KIAA1549: variants seen among roughly 807,000 people sequenced by gnomAD.
The protein encoded by KIAA1549 is UPF0606 protein KIAA1549.
In KIAA1549, 70 loss-of-function variants were observed where a neutral mutation model predicts 156.4. The ratio of observed to expected loss-of-function variants is 0.45; its 90% CI spans 0.37 to 0.55. The LOEUF (loss-of-function observed/expected upper bound fraction) is 0.55. Ranked by LOEUF, KIAA1549 falls within the 20% of genes least tolerant of loss-of-function variation. KIAA1549 has a pLI of 0.00. For synonymous variants in KIAA1549, 1,103 were observed against 1,066.4 expected, an observed-to-expected ratio of 1.03 and a Z score of -0.67; for missense variants, 2,428 against 2,540.9, an observed-to-expected ratio of 0.96 and a Z score of 0.96.
At chr7:138,840,368 T>C in intron 18 of KIAA1549, 90 bp from the exon 19 acceptor site, 1 of 1,146,870 alleles carries the variant, frequency 8.7e-7, no homozygotes, top group South Asian at 1.5e-5. Flanking sequence ...CTGTCAACTC[T>C]GACCACTACA....
chr7:138,925,358 G>A (rs1812682538), intron 1 of KIAA1549, among the ~76,000 whole-genome samples: 1 of 152,020 alleles, frequency 6.6e-6, no homozygotes, highest in African/African-American at 2.4e-5. Context: ...TTAAGACCTA[G>A]GCCAATCCCT....
chr7:138,959,426 G>A (rs1813772092), intron 1 of KIAA1549, among the ~76,000 whole-genome samples: 1 of 152,182 alleles, frequency 6.6e-6, no homozygotes, highest in Non-Finnish European at 1.5e-5. Flanking sequence ...ATTAGGAAAA[G>A]GGAGTGGGGG....
chr7:138,919,302 A>G lies in KIAA1549; in HGVS notation c.324T>C (p.His108=). 1 of 1,614,068 alleles carries G rather than the reference A, an allele frequency of 6.2e-7. No individual in the cohort carries two copies. The highest frequency in any genetic ancestry group is 8.5e-7 in the Non-Finnish European group (1 of 1,179,910). ...APGSQHSSPL[H]VTAPPSATTF... ...TAGTGGCAGACGGCGGGGCTGTGAC[A>G]TGGAGAGGACTGCTGTGCTGGGAGC... The change falls in exon 2 of 20, where the codon CAT becomes CAC. Residue 108 remains histidine (H), a synonymous_variant. Transcript: ENST00000422774.
chr7:138,942,908 C>CAA (rs34506092), intron 1 of KIAA1549, among the ~76,000 whole-genome samples: 3 of 138,798 alleles, frequency 2.2e-5, no homozygotes, highest in Admixed American at 7.3e-5. Flanking sequence ...GACTCCGTCT[C>CAA]AAAAAAAAAA....
chr7:138,954,876 G>A (rs1813616089), intron 1 of KIAA1549, among the ~76,000 whole-genome samples: 1 of 152,180 alleles, frequency 6.6e-6, no homozygotes, highest in South Asian at 2.1e-4. Flanking sequence ...GCAGATGTGA[G>A]GGGCATCTGG....
intron 14 of KIAA1549, among the ~76,000 whole-genome samples, chr7:138,869,224 T>C (rs1342498030): frequency 6.6e-6 from 1 of 152,114 alleles, no homozygotes; most frequent in East Asian, 1.9e-4. Context: ...GAGTGCAGTT[T>C]TAGACAGGCT....
In KIAA1549 at chr7:138,840,516, G is replaced by A. The variant is rs188954062; in HGVS notation, c.5453-238C>T. On this transcript the variant is annotated intron_variant, in intron 18 of 19. Transcript: ENST00000422774. ...ACGAAGCGGTAGGAAAATGTACCAC[G>A]AAGCACCGTGGACCAAGCAATAAAA... is the stretch of plus-strand genomic sequence containing the variant. Among the ~76,000 whole-genome samples, 777 of 152,074 alleles carry A rather than the reference G, an allele frequency of 5.1e-3. 6 individuals are homozygous for A. The highest frequency in any genetic ancestry group is 8.6e-3 in the Non-Finnish European group (583 of 67,978).
chr7:138,948,596 G>A (rs1436664312), intron 1 of KIAA1549, among the ~76,000 whole-genome samples: 2 of 152,040 alleles, frequency 1.3e-5, no homozygotes, highest in African/African-American at 2.4e-5. Flanking sequence ...TTTTTATGGG[G>A]TAATGAGGTT....
chr7:138,910,586 T>C (rs1812139951), intron 4 of KIAA1549, among the ~76,000 whole-genome samples: 1 of 151,906 alleles, frequency 6.6e-6, no homozygotes, highest in Non-Finnish European at 1.5e-5. Context: ...TTAGTAGAGA[T>C]GAGGTTTCGC....
chr7:138,947,756 G>C (rs1229793693), intron 1 of KIAA1549, among the ~76,000 whole-genome samples: 1 of 151,846 alleles, frequency 6.6e-6, no homozygotes, highest in Admixed American at 6.6e-5. Flanking sequence ...CAATATTCAG[G>C]GGCCAACTTT....
At chr7:138,856,231 G>A (rs1480384845) in intron 16 of KIAA1549, among the ~76,000 whole-genome samples, 8 of 151,260 alleles carry the variant, frequency 5.3e-5, no homozygotes, top group African/African-American at 1.9e-4. Flanking sequence ...GTAGAGACGG[G>A]GTTTCACCAT....
In KIAA1549 at chr7:138,844,400, G is replaced by T. The variant is rs781210368; in HGVS notation, c.5369C>A (p.Ala1790Asp). Residue 1790 changes from alanine (A) to aspartate (D), a missense_variant, in exon 18 of 20, where the codon GCC (alanine) becomes GAC (aspartate). Around this residue, in one of 5 missense-constraint regions of KIAA1549, gnomAD observed 363 missense variants for 354.0 expected, o/e 1.03. Coordinates refer to ENST00000422774, the MANE Select transcript of KIAA1549 (RefSeq NM_001164665.2). ...PPDPQQPQAS[A>D]EAPFAARGIY... ...CCCTCTGGCAGCAAATGGGGCTTCGGCGGAGGCCTGTGGCTGCTGAGGGTC... is the reference window on the plus strand; with the variant it reads ...CCCTCTGGCAGCAAATGGGGCTTCGTCGGAGGCCTGTGGCTGCTGAGGGTC... 1.2e-6 allele frequency: 2 copies of T among 1,607,154 alleles called. No homozygotes were observed. Among genetic ancestry groups the T allele is most frequent in the Admixed American group, 3.4e-5 (2 of 59,198 alleles).
In KIAA1549 at chr7:138,839,623, G is replaced by T. The variant is rs113739352; in HGVS notation, c.5598+510C>A. 8.5e-4 allele frequency among the ~76,000 whole-genome samples: 130 copies of T among 152,062 alleles called. 1 individual carries two copies. The highest frequency in any genetic ancestry group is 3.1e-3 in the African/African-American group (127 of 41,458). On this transcript the variant is annotated intron_variant, in intron 19 of 19. Coordinates refer to ENST00000422774, the MANE Select transcript of KIAA1549 (RefSeq NM_001164665.2). ...ACTGAAAGCTTGAACTCTGCCTCAA[G>T]AAAAATTATATACTTCCTAAAAGCT... is the stretch of plus-strand genomic sequence containing the variant.
At chr7:138,977,003 C>T (rs1253083820) in intron 1 of KIAA1549, among the ~76,000 whole-genome samples, 4 of 152,272 alleles carry the variant, frequency 2.6e-5, no homozygotes, top group Admixed American at 6.5e-5. Flanking sequence ...ATATCCTAAA[C>T]GACTCACAAA....
intron 9 of KIAA1549, among the ~76,000 whole-genome samples, chr7:138,898,669 G>A (rs996557242): frequency 9.2e-5 from 14 of 152,190 alleles, no homozygotes; most frequent in African/African-American, 3.1e-4. Flanking sequence ...AAAAAAAGTA[G>A]TAGTACAGGA....
intron 1 of KIAA1549, among the ~76,000 whole-genome samples, chr7:138,945,708 T>A (rs144892362): frequency 6.6e-6 from 1 of 152,270 alleles, no homozygotes; most frequent in Non-Finnish European, 1.5e-5. Context: ...ACTTTTTTTA[T>A]AGGCATATTA....
intron 10 of KIAA1549, among the ~76,000 whole-genome samples, chr7:138,883,053 A>ACCAGCCT (rs1811287753): frequency 6.9e-6 from 1 of 144,780 alleles, no homozygotes; most frequent in Admixed American, 7.0e-5. Context: ...GGAGTTCGAG[A>ACCAGCCT]CCAGCCTGGC....
intron 1 of KIAA1549, among the ~76,000 whole-genome samples, chr7:138,937,271 A>G (rs1813043426): frequency 1.3e-5 from 2 of 151,964 alleles, no homozygotes; most frequent in Admixed American, 1.3e-4. Flanking sequence ...CTTGACACTT[A>G]GGTTGCATTC....
chr7:138,862,791 C>T (rs1810625803), intron 15 of KIAA1549, among the ~76,000 whole-genome samples: 2 of 151,966 alleles, frequency 1.3e-5, no homozygotes, highest in African/African-American at 4.8e-5. Flanking sequence ...ATTAGCTGGG[C>T]GTAGTGTGCA....
Sources: gnomAD v4.1 joint callset for allele counts (sites outside exome capture counted in the v4.1 genomes callset) on GRCh38, gnomAD v4.1.1 for gene constraint, gnomAD v4.1.1 regional missense constraint, MANE v1.5 for transcripts, NCBI Gene and HGNC (gene_info 2026-07-23, HGNC 2026-07-21) for gene names.